CAST: variants seen among roughly 807,000 people sequenced by gnomAD.
CAST encodes the protein calpastatin, also known as MIR583 host.
In CAST, 76 loss-of-function variants were observed where a neutral mutation model predicts 119.6. That is an observed-to-expected ratio of 0.64 (90% confidence interval 0.53 to 0.77). The LOEUF (loss-of-function observed/expected upper bound fraction) is 0.77, where lower values mean the gene tolerates loss of function less well. CAST is among the 30% of genes least tolerant of loss of function. The pLI is 0.00. For missense variants in CAST, 953 were observed against 946.5 expected (o/e 1.01, Z -0.09); for synonymous variants, 319 against 331.6 (o/e 0.96, Z 0.41).
chr5:96,031,872 G>A, the CAST span, among the ~76,000 whole-genome samples: 4 of 152,198 alleles, frequency 2.6e-5, no homozygotes, highest in East Asian at 7.7e-4. Flanking sequence ...GATCAGCTGG[G>A]GGACTCTGAC....
At chr5:96,412,295 T>G in the CAST span, 1 of 1,603,628 alleles carries the variant, frequency 6.2e-7, no homozygotes, top group Non-Finnish European at 8.5e-7. Context: ...TCATTTCATG[T>G]GGGTCTGTGT....
At chr5:96,429,135 G>T in the CAST span, 3 of 778,542 alleles carry the variant, frequency 3.9e-6, no homozygotes, top group African/African-American at 3.5e-5. Context: ...TTTGCAAAAT[G>T]CTTCTGTTTT....
At chr5:96,088,674 A>C in the CAST span, among the ~76,000 whole-genome samples, 3 of 152,148 alleles carry the variant, frequency 2.0e-5, no homozygotes, top group Non-Finnish European at 4.4e-5. Context: ...TTTTTCTAGA[A>C]TATCCATTTT....
At chr5:96,291,285 T>C in the CAST span, among the ~76,000 whole-genome samples, 1 of 152,236 alleles carries the variant, frequency 6.6e-6, no homozygotes, top group Non-Finnish European at 1.5e-5. Context: ...GATAATTTGT[T>C]ATGCAGCTGT....
At chr5:96,423,050 C>T in the CAST span, among the ~76,000 whole-genome samples, 2 of 152,190 alleles carry the variant, frequency 1.3e-5, no homozygotes, top group Admixed American at 1.3e-4. Flanking sequence ...ATTTTGGTAA[C>T]TTAATTGGTG....
chr5:96,209,849 C>T, the CAST span, among the ~76,000 whole-genome samples: 68 of 151,684 alleles, frequency 4.5e-4, no homozygotes, highest in African/African-American at 1.1e-3. Context: ...GCATTTTTTA[C>T]ATTTTCTGAA....
chr5:96,518,869 T>A, the CAST span, among the ~76,000 whole-genome samples: 1 of 151,996 alleles, frequency 6.6e-6, no homozygotes, highest in African/African-American at 2.4e-5. Context: ...TTTTAAAAAA[T>A]TAGCTAGTCA....
At chr5:96,068,611 G>A in the CAST span, among the ~76,000 whole-genome samples, 1 of 151,518 alleles carries the variant, frequency 6.6e-6, no homozygotes, top group South Asian at 2.1e-4. Context: ...GTGTGTGTGT[G>A]TGTGTGTGTG....
At chr5:96,184,081 C>A in the CAST span, among the ~76,000 whole-genome samples, 1 of 152,186 alleles carries the variant, frequency 6.6e-6, no homozygotes, top group Non-Finnish European at 1.5e-5. Flanking sequence ...CAGGACCATC[C>A]CAAATTATAC....
At chr5:96,250,067 T>C in the CAST span, among the ~76,000 whole-genome samples, 1 of 152,200 alleles carries the variant, frequency 6.6e-6, no homozygotes, top group Non-Finnish European at 1.5e-5. Context: ...TATTTTCTAG[T>C]ATTCTCCATT....
chr5:96,155,584 G>T, the CAST span, among the ~76,000 whole-genome samples: 1 of 152,164 alleles, frequency 6.6e-6, no homozygotes, highest in Admixed American at 6.5e-5. Context: ...AATCTAGGAG[G>T]TTCATGCCTG....
At chr5:96,369,481 C>T in the CAST span, among the ~76,000 whole-genome samples, 1 of 152,208 alleles carries the variant, frequency 6.6e-6, no homozygotes, top group Non-Finnish European at 1.5e-5. Flanking sequence ...CTATGGAGGA[C>T]CAAAAAGCTT....
chr5:96,383,890 C>G, the CAST span, among the ~76,000 whole-genome samples: 1 of 152,148 alleles, frequency 6.6e-6, no homozygotes, highest in Non-Finnish European at 1.5e-5. Context: ...GATGGTAGCA[C>G]TGGAGAAGAG....
the CAST span, among the ~76,000 whole-genome samples, chr5:96,263,843 C>T: frequency 6.6e-6 from 1 of 152,160 alleles, no homozygotes; most frequent in East Asian, 1.9e-4. Flanking sequence ...TACATGGCAC[C>T]AGGAGGAGAG....
chr5:96,304,471 A>G, the CAST span, among the ~76,000 whole-genome samples: 1 of 152,112 alleles, frequency 6.6e-6, no homozygotes, highest in Non-Finnish European at 1.5e-5. Context: ...CCATTTGTCA[A>G]TTTTGGCTTT....
At chr5:96,579,683 C>A (rs1238618970) in intron 1 of CAST, among the ~76,000 whole-genome samples, 1 of 152,206 alleles carries the variant, frequency 6.6e-6, no homozygotes, top group Non-Finnish European at 1.5e-5. Context: ...TATCACCTTT[C>A]AGAGTTCTCT....
chr5:96,169,928 A>AC, the CAST span, among the ~76,000 whole-genome samples: 1 of 152,180 alleles, frequency 6.6e-6, no homozygotes, highest in Non-Finnish European at 1.5e-5. Flanking sequence ...CTAAGTTGGC[A>AC]CCAGAGTTGG....
At chr5:96,585,835 C>T (rs910330582) in intron 1 of CAST, among the ~76,000 whole-genome samples, 9 of 152,156 alleles carry the variant, frequency 5.9e-5, no homozygotes, top group Non-Finnish European at 7.4e-5. Flanking sequence ...GATATAGAGA[C>T]GTGCAGGACA....
upstream of CAST, among the ~76,000 whole-genome samples, chr5:96,521,061 C>T (rs575898186): frequency 3.9e-5 from 6 of 152,228 alleles, no homozygotes; most frequent in African/African-American, 9.6e-5. Context: ...ATTCAGGCTG[C>T]GCTAAGCCCA....
Sources: gnomAD v4.1 joint callset for allele counts (sites outside exome capture counted in the v4.1 genomes callset) on GRCh38, gnomAD v4.1.1 for gene constraint, MANE v1.5 for transcripts, NCBI Gene and HGNC (gene_info 2026-07-23, HGNC 2026-07-21) for gene names.